Variants in METAP1 observed in about 807,000 individuals in gnomAD.
METAP1 encodes the protein methionyl aminopeptidase 1, also known as methionine aminopeptidase 1.
A neutral mutation model predicts 53.8 loss-of-function variants in METAP1; 28 were observed. The ratio of observed to expected loss-of-function variants is 0.52; its 90% CI spans 0.39 to 0.71. The LOEUF (loss-of-function observed/expected upper bound fraction) is 0.71. Among genes scored for constraint, METAP1 ranks in the 30% least tolerant of loss-of-function variants. The probability of loss-of-function intolerance (pLI) is 0.00; values close to 1 mark genes in which losing one functional copy is unlikely to be tolerated. For synonymous variants in METAP1, 181 were observed against 165.7 expected, an observed-to-expected ratio of 1.09 and a Z score of -0.71; for missense variants, 389 against 479.8, an observed-to-expected ratio of 0.81 and a Z score of 1.77.
chr4:99,022,840 C>G (rs1449847366), intron 1 of METAP1: 24 of 1,571,534 alleles, frequency 1.5e-5, no homozygotes, highest in South Asian at 1.1e-5. Context: ...TGTGGTACTG[C>G]TTTTTTCCCT....
intron 1 of METAP1, among the ~76,000 whole-genome samples, chr4:99,024,715 C>T (rs1724430190): frequency 6.6e-6 from 1 of 152,208 alleles, no homozygotes; most frequent in African/African-American, 2.4e-5. Context: ...CTGCATGACT[C>T]CTGAAACATA....
intron 10 of METAP1, among the ~76,000 whole-genome samples, chr4:99,060,078 AATTC>A (rs1485474798): frequency 6.6e-6 from 1 of 152,120 alleles, no homozygotes; most frequent in Admixed American, 6.5e-5. Context: ...GAAAGAGCTA[AATTC>A]ATTCAAGTTT....
intron 1 of METAP1, among the ~76,000 whole-genome samples, chr4:99,019,189 T>C (rs1181971604): frequency 6.6e-6 from 1 of 152,238 alleles, no homozygotes; most frequent in Non-Finnish European, 1.5e-5. Context: ...GTAGCTCTTC[T>C]GGAGAACAGC....
intron 1 of METAP1, among the ~76,000 whole-genome samples, chr4:98,998,517 C>T (rs189302177): frequency 1.1e-4 from 16 of 151,950 alleles, no homozygotes; most frequent in African/African-American, 1.9e-4. Flanking sequence ...AGCAAGACTC[C>T]GTCTCAAGAA....
In METAP1 at chr4:99,046,416, AAAAG is replaced by A. The variant is rs1726238582; in HGVS notation, c.787+1111_787+1114del. ...ATTTCAAAAAAAGAAGAAAAGAAAA[AAAAG>A]AAAGGAAAGTTCTTAACAGCATCTT... On this transcript the variant is annotated intron_variant, in intron 8 of 10. Transcript: ENST00000296411. 2.6e-5 allele frequency among the ~76,000 whole-genome samples: 4 copies of A among 152,302 alleles called. No homozygotes were observed. The Middle Eastern group carries it at 0.01, about 389-fold the overall frequency.
At chr4:99,048,582 C>T in intron 8 of METAP1, 151 bp from the exon 9 acceptor site, 1 of 776,904 alleles carries the variant, frequency 1.3e-6, no homozygotes, top group South Asian at 1.8e-5. Flanking sequence ...GTTGCCCAGG[C>T]TGGTCTTGAA....
At chr4:99,022,808 C>T (rs559394427) in intron 1 of METAP1, 9 of 1,593,912 alleles carry the variant, frequency 5.6e-6, no homozygotes, top group Non-Finnish European at 7.7e-6. Context: ...GAACTCCACC[C>T]ATCCCTCTGT....
Position 99,043,273 on chromosome 4 carries a change from C to A in METAP1, c.541C>A (p.Pro181Thr). Residue 181 changes from proline (P) to threonine (T), a missense_variant, in exon 7 of 11, where the codon CCT becomes ACT. Physicochemically the swap from Pro to Thr is conservative, Grantham distance 38 (BLOSUM62 -1). Coordinates refer to ENST00000296411, the MANE Select transcript of METAP1 (RefSeq NM_015143.3). The stretch of plus-strand genomic sequence containing the variant: ...GGCATGTATTGCAAGAAATTGCTAC[C>A]CTTCTCCCCTGAATTATTATAATTT... ...HLACIARNCY[P>T]SPLNYYNFPK... 6.3e-7 allele frequency: 1 copy of A among 1,596,904 alleles called. No individual in the cohort carries two copies. The highest frequency in any genetic ancestry group is 8.6e-7 in the Non-Finnish European group (1 of 1,168,478).
chr4:99,062,292 T>C lies in METAP1; in HGVS notation c.*975T>C, dbSNP rs1425970911. Reference sequence around the variant, plus strand: ...TCAAGTGGGCTATTAAAATCTAACGTTGAGTAAATGTGATAGTGATGAGAA... The same window carrying C: ...TCAAGTGGGCTATTAAAATCTAACGCTGAGTAAATGTGATAGTGATGAGAA... On this transcript the variant is annotated 3_prime_UTR_variant, in exon 11 of 11. Transcript: ENST00000296411. The C allele has an allele frequency of 1.3e-5, 2 of 152,204 alleles. No homozygotes were observed. The highest frequency in any genetic ancestry group is 2.9e-5 in the Non-Finnish European group (2 of 68,050). The allele number at this position is 152,204 out of a possible 1,614,324, so 9.4% of individuals were successfully genotyped here.
intron 9 of METAP1, among the ~76,000 whole-genome samples, chr4:99,051,289 G>C (rs2110408464): frequency 6.6e-6 from 1 of 152,258 alleles, no homozygotes; most frequent in South Asian, 2.1e-4. Flanking sequence ...AAAATATGTT[G>C]CCACTGTTAT....
intron 1 of METAP1, among the ~76,000 whole-genome samples, chr4:99,021,645 CAG>C (rs1433805005): frequency 1.3e-5 from 2 of 152,166 alleles, no homozygotes; most frequent in African/African-American, 4.8e-5. Flanking sequence ...ACAAAGGAGA[CAG>C]GGACATTTAT....
intron 9 of METAP1, among the ~76,000 whole-genome samples, chr4:99,055,378 A>G (rs1443424108): frequency 7.3e-6 from 1 of 137,024 alleles, no homozygotes; most frequent in Non-Finnish European, 1.5e-5. Flanking sequence ...ACAACAGAGC[A>G]AGAGTCCATC....
chr4:98,999,793 G>T (rs980517997), intron 1 of METAP1, among the ~76,000 whole-genome samples: 25 of 152,024 alleles, frequency 1.6e-4, no homozygotes, highest in African/African-American at 5.6e-4. Context: ...TTACAGGCAT[G>T]AGCCACTGTG....
chr4:99,011,021 CTTTAG>C (rs1271011559), intron 1 of METAP1, among the ~76,000 whole-genome samples: 10 of 143,518 alleles, frequency 7.0e-5, no homozygotes, highest in African/African-American at 2.4e-4. Flanking sequence ...TATCCTGCAA[CTTTAG>C]TTTATTAGCT....
At chr4:99,041,190 C>T in intron 6 of METAP1, 64 bp downstream of exon 6, 1 of 1,125,238 alleles carries the variant, frequency 8.9e-7, no homozygotes. Context: ...TGAACTTAAA[C>T]ATTAAGTAGA....
At chr4:99,026,308 T>C in intron 1 of METAP1, 1 of 985,196 alleles carries the variant, frequency 1.0e-6, no homozygotes, top group South Asian at 4.7e-5. Context: ...TTTGGTGTTA[T>C]TAAATAAGTG....
intron 1 of METAP1, among the ~76,000 whole-genome samples, chr4:99,009,175 TC>T (rs1723342631): frequency 2.6e-5 from 4 of 152,362 alleles, no homozygotes. Flanking sequence ...CCCTGAAAGT[TC>T]CTTCATGTTG....
chr4:99,048,483 A>G (rs960332267), intron 8 of METAP1, among the ~76,000 whole-genome samples: 1 of 152,012 alleles, frequency 6.6e-6, no homozygotes, highest in Admixed American at 6.6e-5. Flanking sequence ...TCCTCCTAGC[A>G]CAGCCTCCCA....
At chr4:99,034,371 T>C in intron 3 of METAP1, 29 bp downstream of exon 3, 1 of 1,302,836 alleles carries the variant, frequency 7.7e-7, no homozygotes, top group Admixed American at 2.0e-5. Context: ...AAAAACAACA[T>C]TCCAATTTTG....
Sources: allele counts gnomAD v4.1 joint callset (sites outside exome capture counted in the v4.1 genomes callset), GRCh38; gene constraint gnomAD v4.1.1; transcripts MANE v1.5; gene names NCBI Gene and HGNC (gene_info 2026-07-23, HGNC 2026-07-21).